Variants in CNTN6 observed in about 807,000 individuals in gnomAD.
CNTN6 encodes the protein contactin-6.
In CNTN6, 137 loss-of-function variants were observed where a neutral mutation model predicts 122.8. That is an observed-to-expected ratio of 1.12 (90% CI 0.97 to 1.29). The LOEUF (loss-of-function observed/expected upper bound fraction) is 1.29, where lower values mean the gene tolerates loss of function less well. Among genes scored for constraint, CNTN6 ranks in the 50% most tolerant of loss-of-function variants. The pLI is 0.00. For synonymous variants in CNTN6, 570 were observed against 426.0 expected, an observed-to-expected ratio of 1.34 and a Z score of -4.16; for missense variants, 1,634 against 1,223.4, an observed-to-expected ratio of 1.34 and a Z score of -5.01.
At chr3:1,160,761 T>C (rs2093114949) in intron 2 of CNTN6, among the ~76,000 whole-genome samples, 1 of 152,068 alleles carries the variant, frequency 6.6e-6, no homozygotes. Context: ...TTTTTATTTA[T>C]CTCTAGTTGA....
At chr3:1,150,809 G>T (rs2092824975) in intron 2 of CNTN6, among the ~76,000 whole-genome samples, 1 of 152,182 alleles carries the variant, frequency 6.6e-6, no homozygotes, top group Non-Finnish European at 1.5e-5. Context: ...AAGATCTTCA[G>T]ATGGGGAGAT....
chr3:1,100,777 T>C (rs2124952558), intron 1 of CNTN6, among the ~76,000 whole-genome samples: 1 of 152,296 alleles, frequency 6.6e-6, no homozygotes, highest in Admixed American at 6.5e-5. Flanking sequence ...TTTTAAAAAT[T>C]ATCCTGCTAT....
intron 2 of CNTN6, among the ~76,000 whole-genome samples, chr3:1,170,519 T>G (rs1026683668): frequency 8.5e-5 from 13 of 152,158 alleles, no homozygotes; most frequent in Non-Finnish European, 1.8e-4. Context: ...AAAGAACTGA[T>G]ATCCCAGGAA....
intron 1 of CNTN6, among the ~76,000 whole-genome samples, chr3:1,104,630 T>A (rs2091128061): frequency 6.6e-6 from 1 of 152,126 alleles, no homozygotes; most frequent in African/African-American, 2.4e-5. Flanking sequence ...AATACATTTT[T>A]CCAGTTATAA....
chr3:1,255,108 T>C (rs2094731965), intron 4 of CNTN6, among the ~76,000 whole-genome samples: 1 of 152,094 alleles, frequency 6.6e-6, no homozygotes, highest in Admixed American at 6.6e-5. Context: ...TGGGTGGGGA[T>C]CCAAGAGCAA....
intron 1 of CNTN6, among the ~76,000 whole-genome samples, chr3:1,104,363 A>G (rs1046758136): frequency 2.6e-5 from 4 of 152,142 alleles, no homozygotes; most frequent in Admixed American, 2.0e-4. Flanking sequence ...ATAGAGAGTG[A>G]GATATTCTGG....
At chr3:1,316,813 G>A (rs1287383365) in intron 7 of CNTN6, among the ~76,000 whole-genome samples, 1 of 151,764 alleles carries the variant, frequency 6.6e-6, no homozygotes. Flanking sequence ...AAATAATTTT[G>A]TTTTTCATTG....
intron 17 of CNTN6, among the ~76,000 whole-genome samples, chr3:1,379,920 A>G (rs570341147): frequency 9.8e-5 from 15 of 152,316 alleles, no homozygotes; most frequent in African/African-American, 3.6e-4. Flanking sequence ...AATTCCTTCA[A>G]TTTAATGAAC....
At chr3:1,097,912 G>T (rs1172232476) in intron 1 of CNTN6, among the ~76,000 whole-genome samples, 1 of 151,998 alleles carries the variant, frequency 6.6e-6, no homozygotes, top group Non-Finnish European at 1.5e-5. Flanking sequence ...CAATTGTATT[G>T]GGTATTTAAT....
At chr3:1,352,163 CAG>C (rs1391133707) in intron 11 of CNTN6, among the ~76,000 whole-genome samples, 159 bp from the exon 12 acceptor site, 2 of 151,752 alleles carry the variant, frequency 1.3e-5, no homozygotes, top group Non-Finnish European at 2.9e-5. Flanking sequence ...TATGTAGACT[CAG>C]AGATAGCTCA....
At position 1,295,612 on chromosome 3, in the gene CNTN6, G is replaced by T. The variant is rs769833336; in HGVS notation, c.466G>T (p.Ala156Ser). 6.2e-7 allele frequency: 1 copy of T among 1,613,144 alleles called. No homozygotes were observed. The highest frequency in any genetic ancestry group is 8.5e-7 in the Non-Finnish European group (1 of 1,179,338). The change falls in exon 6 of 23, where the codon GCA (alanine) becomes TCA (serine). Residue 156 changes from alanine to serine, a missense_variant. Coordinates refer to ENST00000446702, the MANE Select transcript of CNTN6 (RefSeq NM_001289080.2). ...TTCTTGTTTTTCAGATTTATCTTAT[G>T]CATGGACCTTCAATGATAACCCCTT... ...PPPHFGDLSY[A>S]WTFNDNPLYV...
chr3:1,172,896 T>C (rs1167880418), intron 2 of CNTN6, among the ~76,000 whole-genome samples: 1 of 152,168 alleles, frequency 6.6e-6, no homozygotes, highest in African/African-American at 2.4e-5. Context: ...GGTGTCTCAC[T>C]TGGCTATTCA....
chr3:1,244,617 C>T (rs1335624762), intron 4 of CNTN6, among the ~76,000 whole-genome samples: 1 of 152,176 alleles, frequency 6.6e-6, no homozygotes, highest in Non-Finnish European at 1.5e-5. Context: ...GTCACAGCAC[C>T]AAATTTCATG....
At chr3:1,318,778 G>A (rs946684853) in intron 7 of CNTN6, among the ~76,000 whole-genome samples, 2 of 151,706 alleles carry the variant, frequency 1.3e-5, no homozygotes, top group African/African-American at 4.8e-5. Context: ...GCTCCTGGGG[G>A]TATGTAAATT....
intron 2 of CNTN6, among the ~76,000 whole-genome samples, chr3:1,150,737 A>G (rs748974974): frequency 6.6e-6 from 1 of 152,208 alleles, no homozygotes; most frequent in Non-Finnish European, 1.5e-5. Context: ...AGGTCCTAAT[A>G]CCTGGAACCT....
At chr3:1,129,617 A>G (rs1574953700) in intron 1 of CNTN6, among the ~76,000 whole-genome samples, 1 of 152,116 alleles carries the variant, frequency 6.6e-6, no homozygotes, top group Admixed American at 6.6e-5. Flanking sequence ...TGAATGTGCA[A>G]TGAATTCTAA....
At chr3:1,377,610 GA>G (rs1380635741) in intron 17 of CNTN6, among the ~76,000 whole-genome samples, 1 of 152,112 alleles carries the variant, frequency 6.6e-6, no homozygotes, top group African/African-American at 2.4e-5. Flanking sequence ...CTTCAAACTG[GA>G]GTATAAACGT....
intron 4 of CNTN6, among the ~76,000 whole-genome samples, chr3:1,270,237 C>G (rs989870075): frequency 8.6e-5 from 13 of 152,032 alleles, no homozygotes; most frequent in Admixed American, 7.2e-4. Flanking sequence ...AAATTAGTTA[C>G]TATAGAACTA....
chr3:1,390,892 G>T (rs1292746485), intron 20 of CNTN6, among the ~76,000 whole-genome samples: 1 of 150,440 alleles, frequency 6.6e-6, no homozygotes, highest in African/African-American at 2.5e-5. Context: ...AATAACAGGA[G>T]CTGAAATTGT....
Sources: allele counts gnomAD v4.1 joint callset (sites outside exome capture counted in the v4.1 genomes callset), GRCh38; gene constraint gnomAD v4.1.1; transcripts MANE v1.5; gene names NCBI Gene and HGNC (gene_info 2026-07-23, HGNC 2026-07-21).